The following KAZN variants were observed in gnomAD, a reference collection of about 807,000 sequenced individuals.
KAZN encodes kazrin.
Under a neutral mutation model 87.4 loss-of-function variants are expected in KAZN, and 40 were observed. The ratio of observed to expected loss-of-function variants is 0.46; its 90% CI spans 0.36 to 0.60. The LOEUF (loss-of-function observed/expected upper bound fraction) is 0.60. Ranked by LOEUF, KAZN falls within the 20% of genes least tolerant of loss-of-function variation. The pLI is 0.00. For synonymous variants in KAZN, 466 were observed against 458.3 expected (o/e 1.02, Z -0.22); for missense variants, 898 against 1,073.9 (o/e 0.84, Z 2.29).
intron 2 of KAZN, among the ~76,000 whole-genome samples, chr1:14,967,696 C>T (rs10927601): frequency 0.58 from 87,882 of 152,012 alleles, 28,793 homozygotes; most frequent in African/African-American, 0.9. Context: ...CTTGACACAC[C>T]GTTGCTGGCT....
intron 2 of KAZN, among the ~76,000 whole-genome samples, chr1:14,415,406 G>T (rs549318680): frequency 6.6e-6 from 1 of 152,284 alleles, no homozygotes; most frequent in South Asian, 2.1e-4. Context: ...TGTCTCAGAT[G>T]TAACAGGTAT....
Position 15,094,731 on chromosome 1 carries a change from C to G in KAZN, c.1429-84C>G. The G allele has an allele frequency of 1.1e-6, 1 of 951,756 alleles. No homozygotes were observed. 59.0% of individuals were successfully genotyped at this position (951,756 alleles called of 1,614,324 possible). A position where few individuals can be genotyped will look rare whatever the true frequency, so the allele number is the denominator to read the frequency against. ...AGGTGGGCAGGAGATGGGGAAGGAG[C>G]CCCATGTCAACAGACCCCCTCTAGG... On this transcript the variant is annotated intron_variant, in intron 9 of 14. Transcript: ENST00000376030. The surrounding 1 kb of genome is among the most constrained non-coding windows in gnomAD (Gnocchi z 4.5).
At chr1:14,846,344 C>T (rs74059610) in intron 1 of KAZN, among the ~76,000 whole-genome samples, 11,041 of 151,952 alleles carry the variant, frequency 0.073, 900 homozygotes, top group African/African-American at 0.2. Context: ...TGAGATCAAG[C>T]GATCTAGGTA....
rs753639855 is a variant in KAZN at position 14,259,916 on chromosome 1, A to G, written c.249+79324A>G. Among the ~76,000 whole-genome samples the G allele has an allele frequency of 2.6e-5, 4 of 152,168 alleles. No homozygotes were observed. In the South Asian group the frequency reaches 8.3e-4, roughly 32 times the overall value. On this transcript the variant is annotated intron_variant, in intron 2 of 16. Coordinates refer to the KAZN transcript ENST00000636203. Reference sequence around the variant, plus strand: ...TGATCACTCTCCCCTTGAACATATAAATGGGCTGTTACCAAAGTGCAAGGT... The same window carrying G: ...TGATCACTCTCCCCTTGAACATATAGATGGGCTGTTACCAAAGTGCAAGGT...
chr1:14,842,471 G>A (rs1296567031), intron 1 of KAZN, among the ~76,000 whole-genome samples: 1 of 152,242 alleles, frequency 6.6e-6, no homozygotes, highest in South Asian at 2.1e-4. Context: ...GGGAGGCCCT[G>A]GGCAGGGGCA....
chr1:14,129,462 A>G (rs1353603095), intron 1 of KAZN, among the ~76,000 whole-genome samples: 1 of 152,214 alleles, frequency 6.6e-6, no homozygotes, highest in African/African-American at 2.4e-5. Flanking sequence ...TGAAAGGCCA[A>G]ACTGCCCTGT....
intron 1 of KAZN, among the ~76,000 whole-genome samples, chr1:14,139,931 G>A (rs1306546877): frequency 2.7e-4 from 1 of 3,768 alleles, no homozygotes; most frequent in South Asian, 0.015. Flanking sequence ...AGGTAAATGT[G>A]TGTGTGTGTG....
intron 2 of KAZN, among the ~76,000 whole-genome samples, chr1:14,981,790 G>A (rs1438621056): frequency 6.6e-6 from 1 of 152,204 alleles, no homozygotes; most frequent in Non-Finnish European, 1.5e-5. Flanking sequence ...TTGGCATAAG[G>A]AGCAATACCC....
intron 2 of KAZN, among the ~76,000 whole-genome samples, chr1:14,504,499 A>G (rs573680243): frequency 6.6e-6 from 1 of 152,318 alleles, no homozygotes; most frequent in South Asian, 2.1e-4. Context: ...GGCAAACTGA[A>G]TTGCAGAAAG....
intron 2 of KAZN, among the ~76,000 whole-genome samples, chr1:14,527,954 T>C (rs1671979723): frequency 6.6e-6 from 1 of 152,164 alleles, no homozygotes; most frequent in South Asian, 2.1e-4. Context: ...ACTTGTCTGG[T>C]GCCTGGGCGG....
chr1:14,727,453 T>TC, intron 1 of KAZN, among the ~76,000 whole-genome samples: 1 of 10,726 alleles, frequency 9.3e-5, no homozygotes, highest in Non-Finnish European at 1.7e-4. Context: ...GCACTTTCTT[T>TC]TTTTTTTTTT....
At position 15,046,459 on chromosome 1, in the gene KAZN, G is replaced by A. The variant is rs564346940; in HGVS notation, c.726+2300G>A. On this transcript the variant is annotated intron_variant, in intron 4 of 14. Transcript: ENST00000376030. ...GGCTTTGCTGTCTCGGGGTGACGGA[G>A]GTAGAAGAAAATCCGCCGATAATCA... 1.2e-4 allele frequency among the ~76,000 whole-genome samples: 19 copies of A among 152,234 alleles called. No individual in the cohort carries two copies. The South Asian group carries it at 4.0e-3, about 32-fold the overall frequency.
At position 13,995,188 on chromosome 1, in the gene KAZN, C is replaced by A. The variant is rs146777532; in HGVS notation, c.91+101432C>A. On this transcript the variant is annotated intron_variant, in intron 1 of 16. Transcript: ENST00000636203. The stretch of plus-strand genomic sequence containing the variant: ...AAAACAAGGATTTCTCTTATCATTA[C>A]TTCTTGGAAGTCTTAGACAGTGCAA... Among the ~76,000 whole-genome samples, 155 of 141,760 alleles carry A rather than the reference C, an allele frequency of 1.1e-3. 4 individuals are homozygous for A. In the East Asian group the frequency reaches 0.032, roughly 29 times the overall value. 93.0% of individuals were successfully genotyped at this position (141,760 alleles called of 152,430 possible). A position where few individuals can be genotyped will look rare whatever the true frequency, so the allele number is the denominator to read the frequency against.
intron 2 of KAZN, among the ~76,000 whole-genome samples, chr1:14,386,693 T>C (rs1304429655): frequency 6.6e-6 from 1 of 152,198 alleles, no homozygotes; most frequent in East Asian, 1.9e-4. Context: ...GCTGTTAGTC[T>C]GATGGGCTTC....
chr1:14,621,992 G>C (rs79679160), intron 1 of KAZN, among the ~76,000 whole-genome samples: 1 of 152,308 alleles, frequency 6.6e-6, no homozygotes, highest in East Asian at 1.9e-4. Flanking sequence ...TAAAGTATAA[G>C]AGCCCTGGGA....
intron 1 of KAZN, among the ~76,000 whole-genome samples, chr1:14,660,187 C>T (rs999979211): frequency 4.6e-5 from 7 of 152,134 alleles, no homozygotes; most frequent in African/African-American, 1.2e-4. Flanking sequence ...TGCAACTGCC[C>T]GTGCCCGAAC....
chr1:14,220,042 C>G (rs988642951), intron 2 of KAZN, among the ~76,000 whole-genome samples: 4 of 152,138 alleles, frequency 2.6e-5, no homozygotes, highest in Admixed American at 6.5e-5. Flanking sequence ...TCTGAACAAC[C>G]AGGGTGCCCT....
chr1:14,201,794 G>A (rs7525926), intron 2 of KAZN, among the ~76,000 whole-genome samples: 42,510 of 151,994 alleles, frequency 0.28, 6,372 homozygotes, highest in East Asian at 0.48. Flanking sequence ...TTAGCCTCCC[G>A]AGTAGCTGGG....
In KAZN at chr1:15,112,599, T is replaced by TTCTTCTCCCAGCGGCAGGTCTTTTTTC; in HGVS notation, c.2163+58_2163+59insTCTTCTCCCAGCGGCAGGTCTTTTTTC. 4.0e-6 allele frequency: 5 copies of TTCTTCTCCCAGCGGCAGGTCTTTTTTC among 1,245,834 alleles called. 1 individual carries two copies. Among genetic ancestry groups the TTCTTCTCCCAGCGGCAGGTCTTTTTTC allele is most frequent in the Middle Eastern group, 2.0e-4 (1 of 5,090 alleles). 77.2% of individuals were successfully genotyped at this position (1,245,834 alleles called of 1,614,324 possible). ...TGCAGACCCGGGAAAGGTCTTTTTT[T>TTCTTCTCCCAGCGGCAGGTCTTTTTTC]CTCCTCCCGGGAGCTCTGTGGCTCC... On this transcript the variant is annotated intron_variant, in intron 14 of 14. Coordinates refer to ENST00000376030, the MANE Select transcript of KAZN (RefSeq NM_201628.3).
Sources: gnomAD v4.1 joint callset for allele counts (sites outside exome capture counted in the v4.1 genomes callset) on GRCh38, gnomAD v4.1.1 for gene constraint, Gnocchi (gnomAD v3.1) non-coding constraint, MANE v1.5 for transcripts, NCBI Gene and HGNC (gene_info 2026-07-23, HGNC 2026-07-21) for gene names.